The following ANKRD27 variants were observed in gnomAD, a reference collection of about 807,000 sequenced individuals.
ANKRD27 encodes ankyrin repeat domain-containing protein 27.
In ANKRD27, 112 loss-of-function variants were observed where a neutral mutation model predicts 129.7. The observed-to-expected ratio is 0.86, with a 90% confidence interval of 0.74 to 1.01. The LOEUF (loss-of-function observed/expected upper bound fraction) is 1.01. Among genes scored for constraint, ANKRD27 ranks in the 50% least tolerant of loss-of-function variants. The pLI is 0.00. For missense variants in ANKRD27, 1,258 were observed against 1,300.5 expected (o/e 0.97, Z 0.50); for synonymous variants, 516 against 511.2 (o/e 1.01, Z -0.13).
chr19:32,608,115 C>A (rs868345614), intron 22 of ANKRD27, among the ~76,000 whole-genome samples: 1 of 151,926 alleles, frequency 6.6e-6, no homozygotes, highest in Non-Finnish European at 1.5e-5. Context: ...GTGATCCTCC[C>A]GCCTCAGCCT....
intron 2 of ANKRD27, among the ~76,000 whole-genome samples, chr19:32,654,019 G>T (rs1049670629): frequency 6.6e-6 from 1 of 152,128 alleles, no homozygotes; most frequent in African/African-American, 2.4e-5. Flanking sequence ...TCCTGCCTCA[G>T]CCTCCCCAGT....
chr19:32,634,675 G>A (rs1967058142), intron 12 of ANKRD27, among the ~76,000 whole-genome samples: 1 of 152,210 alleles, frequency 6.6e-6, no homozygotes, highest in Non-Finnish European at 1.5e-5. Context: ...CAGCACTTTG[G>A]GAGGCTGAGG....
chr19:32,613,943 C>T (rs1031052606), intron 22 of ANKRD27, among the ~76,000 whole-genome samples: 2 of 152,034 alleles, frequency 1.3e-5, no homozygotes, highest in South Asian at 2.1e-4. Flanking sequence ...CTTCTAACTT[C>T]GTGATCCACC....
intron 5 of ANKRD27, 142 bp from the exon 6 acceptor site, chr19:32,643,773 T>A (rs1483461890): frequency 3.7e-6 from 3 of 806,176 alleles, no homozygotes; most frequent in Non-Finnish European, 6.1e-6. Flanking sequence ...CAACTTTTTT[T>A]TTAGGTGTAT....
At chr19:32,648,528 C>T (rs1215932957) in intron 3 of ANKRD27, among the ~76,000 whole-genome samples, 1 of 152,194 alleles carries the variant, frequency 6.6e-6, no homozygotes, top group Non-Finnish European at 1.5e-5. Flanking sequence ...AGGCCAGGCG[C>T]GGTGGCGCAC....
chr19:32,674,285 T>C (rs912045787), intron 1 of ANKRD27, among the ~76,000 whole-genome samples: 2 of 152,182 alleles, frequency 1.3e-5, no homozygotes, highest in Admixed American at 1.3e-4. Context: ...ACTTGTAAAA[T>C]CTGAGCTCTC....
chr19:32,615,696 G>T lies in ANKRD27; in HGVS notation c.2137C>A (p.Pro713Thr). ...VSAADPEFCHPLCQCPKCAPA... is the reference protein window; with the variant it reads ...VSAADPEFCHTLCQCPKCAPA... ...GCACACTTGGGGCACTGGCACAACGGGTGACAGAATTCGGGGTCCGCTGCA... is the reference window on the plus strand; with the variant it reads ...GCACACTTGGGGCACTGGCACAACGTGTGACAGAATTCGGGGTCCGCTGCA... Residue 713 changes from proline to threonine, a missense_variant, in exon 22 of 29, where the codon CCG becomes ACG. Physicochemically the swap from Pro to Thr is conservative, Grantham distance 38. Transcript: ENST00000306065. 6.2e-7 allele frequency: 1 copy of T among 1,614,198 alleles called. No individual in the cohort carries two copies. The highest frequency in any genetic ancestry group is 1.1e-5 in the South Asian group (1 of 91,082).
At chr19:32,650,850 G>A (rs910502784) in intron 2 of ANKRD27, among the ~76,000 whole-genome samples, 3 of 148,872 alleles carry the variant, frequency 2.0e-5, no homozygotes, top group Non-Finnish European at 4.4e-5. Context: ...CTGGGCTCAA[G>A]CCATCCTCCT....
chr19:32,655,913 T>TG (rs1437575245), intron 2 of ANKRD27, among the ~76,000 whole-genome samples: 1 of 150,964 alleles, frequency 6.6e-6, no homozygotes, highest in Non-Finnish European at 1.5e-5. Context: ...AGCTACTTGG[T>TG]AGGCCGAAGC....
At position 32,658,975 on chromosome 19, in the gene ANKRD27, TAGAAA is replaced by T; in HGVS notation, c.36_40del (p.Phe13SerfsTer9). ...AGGGCGGCACTTTTGCAGAGCCAGA[TAGAAA>T]GGATTTTTCAGGAGGTCTTCATCAT... On this transcript the variant is annotated frameshift_variant, in exon 2 of 29. Coordinates refer to ENST00000306065, the MANE Select transcript of ANKRD27 (RefSeq NM_032139.3). LOFTEE classifies it high-confidence loss of function. 6.2e-7 allele frequency: 1 copy of T among 1,613,898 alleles called. No homozygotes were observed.
In ANKRD27 at chr19:32,598,128, A is replaced by T. The variant is rs1971596316; in HGVS notation, c.*17T>A. 6.2e-7 allele frequency: 1 copy of T among 1,610,534 alleles called. No individual in the cohort carries two copies. The highest frequency in any genetic ancestry group is 1.3e-5 in the African/African-American group (1 of 74,852). On this transcript the variant is annotated 3_prime_UTR_variant, in exon 29 of 29. Transcript: ENST00000306065. ...TCCTTGCTTCCTAGCAGTGGGTTCA[A>T]CAACTCCTCATTCCTGTTAGGACCG... is the stretch of plus-strand genomic sequence containing the variant.
intron 22 of ANKRD27, among the ~76,000 whole-genome samples, chr19:32,610,949 C>G (rs1401053460): frequency 6.6e-6 from 1 of 151,944 alleles, no homozygotes; most frequent in Non-Finnish European, 1.5e-5. Context: ...CCACTGCACT[C>G]CAGCCTGGGT....
chr19:32,641,910 G>C, intron 10 of ANKRD27, 114 bp downstream of exon 10: 1 of 1,297,302 alleles, frequency 7.7e-7, no homozygotes, highest in East Asian at 2.5e-5. Flanking sequence ...TGGGGTTACA[G>C]AGGTGAGCCA....
intron 2 of ANKRD27, among the ~76,000 whole-genome samples, chr19:32,654,556 G>A (rs1320167698): frequency 4.6e-5 from 7 of 152,212 alleles, no homozygotes; most frequent in East Asian, 3.9e-4. Flanking sequence ...CTCCTCACAC[G>A]GACAAGAGGG....
At chr19:32,644,541 A>G in intron 4 of ANKRD27, 62 bp from the exon 5 acceptor site, 1 of 1,586,582 alleles carries the variant, frequency 6.3e-7, no homozygotes, top group Non-Finnish European at 8.6e-7. Flanking sequence ...ACTCTGTCCT[A>G]TCCTACAGGG....
intron 11 of ANKRD27, among the ~76,000 whole-genome samples, chr19:32,639,801 C>T: frequency 6.6e-6 from 1 of 152,174 alleles, no homozygotes; most frequent in East Asian, 1.9e-4. Context: ...ACTGTCTAGA[C>T]ACTCATTCCA....
At chr19:32,617,868 C>T (rs879514953) in intron 20 of ANKRD27, among the ~76,000 whole-genome samples, 14 of 151,860 alleles carry the variant, frequency 9.2e-5, no homozygotes, top group Non-Finnish European at 1.9e-4. Flanking sequence ...GATTCTCCTG[C>T]CTCAGCCTCC....
chr19:32,639,509 G>A (rs1486307953), intron 11 of ANKRD27, 21 bp from the exon 12 acceptor site: 1 of 1,609,228 alleles, frequency 6.2e-7, no homozygotes, highest in African/African-American at 1.3e-5. Flanking sequence ...GAAGAAAAAA[G>A]TTATGTTGTT....
intron 2 of ANKRD27, among the ~76,000 whole-genome samples, chr19:32,657,278 A>G (rs1384506210): frequency 6.6e-6 from 1 of 152,010 alleles, no homozygotes; most frequent in Non-Finnish European, 1.5e-5. Flanking sequence ...CCTGGCCAAC[A>G]TGGTGAAACC....
Sources: gnomAD v4.1 joint callset for allele counts (sites outside exome capture counted in the v4.1 genomes callset) on GRCh38, gnomAD v4.1.1 for gene constraint, MANE v1.5 for transcripts, NCBI Gene and HGNC (gene_info 2026-07-23, HGNC 2026-07-21) for gene names.